The following ARAP2 variants were observed in gnomAD, a reference collection of about 807,000 sequenced individuals.
The protein encoded by ARAP2 is ArfGAP with RhoGAP domain, ankyrin repeat and PH domain 2.
In ARAP2, 148 loss-of-function variants were observed where a neutral mutation model predicts 194.5. The ratio of observed to expected loss-of-function variants is 0.76; its 90% CI spans 0.67 to 0.87. ARAP2 has a LOEUF of 0.87. Ranked by LOEUF, ARAP2 falls within the 40% of genes least tolerant of loss-of-function variation. The pLI is 0.00. For synonymous variants in ARAP2, 695 were observed against 683.5 expected (o/e 1.02, Z -0.26); for missense variants, 2,128 against 1,989.7 (o/e 1.07, Z -1.32).
At chr4:36,231,658 A>G (rs1751489223) in intron 1 of ARAP2, among the ~76,000 whole-genome samples, 1 of 152,168 alleles carries the variant, frequency 6.6e-6, no homozygotes, top group East Asian at 1.9e-4. Flanking sequence ...CTGTTCATAA[A>G]AACCTTAATA....
At chr4:36,137,109 CTAAGAATCT>C (rs1007299840) in intron 19 of ARAP2, among the ~76,000 whole-genome samples, 7 of 151,776 alleles carry the variant, frequency 4.6e-5, no homozygotes, top group African/African-American at 1.7e-4. Flanking sequence ...AAAATATGTT[CTAAGAATCT>C]TAAAATACGT....
intron 28 of ARAP2, among the ~76,000 whole-genome samples, chr4:36,084,660 G>A (rs959355743): frequency 3.3e-5 from 5 of 151,896 alleles, no homozygotes; most frequent in Non-Finnish European, 7.4e-5. Context: ...AGAAAAGCGA[G>A]GAAAATATGC....
chr4:36,046,875 A>AT (rs1721920970), intron 3 of ARAP2: 1 of 152,258 alleles, frequency 6.6e-6, no homozygotes, highest in South Asian at 2.1e-4. Context: ...AGATAACTTC[A>AT]TTAGATAGAA....
At chr4:36,092,377 A>T (rs925024013) in intron 27 of ARAP2, among the ~76,000 whole-genome samples, 1 of 152,044 alleles carries the variant, frequency 6.6e-6, no homozygotes, top group African/African-American at 2.4e-5. Flanking sequence ...TGGGAGGCCG[A>T]GGCGGGCGGA....
chr4:36,045,342 TG>T (rs1721618772), intron 5 of ARAP2, among the ~76,000 whole-genome samples: 1 of 152,162 alleles, frequency 6.6e-6, no homozygotes. Context: ...ATATTCACAA[TG>T]GAATACCATT....
intron 20 of ARAP2, among the ~76,000 whole-genome samples, chr4:36,131,796 T>C (rs1725514453): frequency 6.6e-6 from 1 of 151,816 alleles, no homozygotes; most frequent in Non-Finnish European, 1.5e-5. Context: ...ATGTGATTCA[T>C]GTATAGCTGC....
At chr4:36,210,087 C>T (rs1028683974) in intron 6 of ARAP2, among the ~76,000 whole-genome samples, 6 of 152,106 alleles carry the variant, frequency 3.9e-5, no homozygotes, top group African/African-American at 1.2e-4. Flanking sequence ...CATACTGGGA[C>T]ACAGATTAGC....
At chr4:36,128,221 C>T (rs1724433651) in intron 21 of ARAP2, among the ~76,000 whole-genome samples, 1 of 151,868 alleles carries the variant, frequency 6.6e-6, no homozygotes, top group Non-Finnish European at 1.5e-5. Context: ...ATTAGTAGCA[C>T]ACATGGACTT....
At chr4:36,021,206 G>C (rs1716878624) in intron 5 of ARAP2, among the ~76,000 whole-genome samples, 1 of 152,160 alleles carries the variant, frequency 6.6e-6, no homozygotes. Context: ...GTCAAATAAA[G>C]TCAACAGTGT....
chr4:36,011,478 A>C (rs1714537536), intron 9 of ARAP2, among the ~76,000 whole-genome samples: 1 of 152,218 alleles, frequency 6.6e-6, no homozygotes, highest in Non-Finnish European at 1.5e-5. Context: ...TCTGCCTGAA[A>C]GTCTAGCTCA....
chr4:36,174,040 G>A (rs950930287), intron 9 of ARAP2, among the ~76,000 whole-genome samples: 4 of 152,154 alleles, frequency 2.6e-5, no homozygotes, highest in African/African-American at 9.7e-5. Context: ...TTGACATTAT[G>A]TGTTACCCCT....
At chr4:36,158,890 C>A in intron 14 of ARAP2, 26 bp from the exon 15 acceptor site, 2 of 1,564,210 alleles carry the variant, frequency 1.3e-6, no homozygotes, top group South Asian at 2.5e-5. Flanking sequence ...AAATAAGGCA[C>A]AAGAAATCTA....
chr4:36,231,692 T>C (rs1751497611), intron 1 of ARAP2, among the ~76,000 whole-genome samples: 1 of 152,156 alleles, frequency 6.6e-6, no homozygotes, highest in South Asian at 2.1e-4. Flanking sequence ...TTTAATAAAA[T>C]ACATACACAC....
intron 6 of ARAP2, among the ~76,000 whole-genome samples, chr4:36,207,373 A>G (rs1161817736): frequency 6.6e-6 from 1 of 152,174 alleles, no homozygotes; most frequent in Non-Finnish European, 1.5e-5. Context: ...TCAACATTTT[A>G]TTGTTTCTTT....
chr4:36,124,989 T>A, intron 21 of ARAP2, 22 bp from the exon 22 acceptor site: 1 of 1,450,182 alleles, frequency 6.9e-7, no homozygotes, highest in Non-Finnish European at 9.7e-7. Context: ...AAAAAAACAA[T>A]CTTGAGATCT....
chr4:36,226,438 C>T (rs951047785), intron 2 of ARAP2, among the ~76,000 whole-genome samples: 27 of 152,306 alleles, frequency 1.8e-4, no homozygotes, highest in African/African-American at 6.0e-4. Flanking sequence ...AATTAACATC[C>T]TGTCCTCAAG....
intron 22 of ARAP2, among the ~76,000 whole-genome samples, chr4:36,124,068 T>C (rs1355969130): frequency 6.6e-6 from 1 of 151,732 alleles, no homozygotes; most frequent in African/African-American, 2.4e-5. Context: ...AATAAGAAAA[T>C]CAGTTTTACA....
chr4:36,168,077 T>TTCATC (rs1735694027), intron 9 of ARAP2, among the ~76,000 whole-genome samples: 1 of 152,022 alleles, frequency 6.6e-6, no homozygotes, highest in African/African-American at 2.4e-5. Context: ...GAAAGAGCCA[T>TTCATC]TCATCTGCCT....
intron 1 of ARAP2, among the ~76,000 whole-genome samples, chr4:36,058,765 T>C (rs896600233): frequency 1.3e-5 from 2 of 152,220 alleles, no homozygotes; most frequent in African/African-American, 4.8e-5. Context: ...TCTAAGACTT[T>C]GCATTTGCAG....
Sources: allele counts gnomAD v4.1 joint callset (sites outside exome capture counted in the v4.1 genomes callset), GRCh38; gene constraint gnomAD v4.1.1; transcripts MANE v1.5; gene names NCBI Gene and HGNC (gene_info 2026-07-23, HGNC 2026-07-21).